Variants in DEPDC1B observed in about 807,000 individuals in gnomAD.
DEPDC1B encodes DEP domain containing 1B, also known as DEP domain-containing protein 1B.
In DEPDC1B, 51 loss-of-function variants were observed where a neutral mutation model predicts 66.5. The observed-to-expected ratio is 0.77, with a 90% confidence interval of 0.61 to 0.97. DEPDC1B has a LOEUF of 0.97. Ranked by LOEUF, DEPDC1B falls within the 50% of genes least tolerant of loss-of-function variation. The pLI is 0.00. For synonymous variants in DEPDC1B, 226 were observed against 223.6 expected (o/e 1.01, Z -0.10); for missense variants, 552 against 637.1 (o/e 0.87, Z 1.44).
intron 2 of DEPDC1B, among the ~76,000 whole-genome samples, chr5:60,675,877 G>GTAGC (rs1485626219): frequency 6.6e-6 from 1 of 151,064 alleles, no homozygotes; most frequent in Non-Finnish European, 1.5e-5. Flanking sequence ...AACACTAACA[G>GTAGC]TAGCTGCCTT....
chr5:60,643,735 C>T (rs1436002855), intron 5 of DEPDC1B, among the ~76,000 whole-genome samples: 1 of 152,196 alleles, frequency 6.6e-6, no homozygotes, highest in African/African-American at 2.4e-5. Context: ...TCCCTTCATT[C>T]TATGGAACTT....
intron 2 of DEPDC1B, among the ~76,000 whole-genome samples, chr5:60,657,773 G>A (rs1273546460): frequency 6.6e-6 from 1 of 152,170 alleles, no homozygotes; most frequent in Non-Finnish European, 1.5e-5. Flanking sequence ...GTGCCTAGGT[G>A]ATTACCTTTT....
chr5:60,645,342 T>G lies in DEPDC1B; in HGVS notation c.578+150A>C, dbSNP rs779569006. 3 of 746,026 alleles carry G rather than the reference T, an allele frequency of 4.0e-6. No individual in the cohort carries two copies. The East Asian group carries it at 9.3e-5, about 23-fold the overall frequency. The allele number at this position is 746,026 out of a possible 1,614,324, so 46.2% of individuals were successfully genotyped here. A position where few individuals can be genotyped will look rare whatever the true frequency, so the allele number is the denominator to read the frequency against. On this transcript the variant is annotated intron_variant, in intron 4 of 10. Coordinates refer to ENST00000265036, the MANE Select transcript of DEPDC1B (RefSeq NM_018369.3). ...GCAGGAGATAATCCCCAGAATTCAG[T>G]TAAACTATGTTTGCTGATCACAACT... is the stretch of plus-strand genomic sequence containing the variant.
intron 2 of DEPDC1B, among the ~76,000 whole-genome samples, chr5:60,684,935 A>G (rs570357631): frequency 6.6e-6 from 1 of 152,344 alleles, no homozygotes; most frequent in East Asian, 1.9e-4. Context: ...TATTTCTCAA[A>G]AGAAGACATA....
At chr5:60,688,740 C>T (rs946177081) in intron 1 of DEPDC1B, among the ~76,000 whole-genome samples, 16 of 152,194 alleles carry the variant, frequency 1.1e-4, no homozygotes, top group African/African-American at 3.6e-4. Context: ...ACACTTTTCT[C>T]TAGGAATTTG....
At chr5:60,610,543 A>G (rs1326566411) in intron 7 of DEPDC1B, among the ~76,000 whole-genome samples, 1 of 152,228 alleles carries the variant, frequency 6.6e-6, no homozygotes, top group African/African-American at 2.4e-5. Context: ...GTAAAATTCC[A>G]CAATGTCCCA....
chr5:60,634,343 T>C (rs1325035205), intron 7 of DEPDC1B, among the ~76,000 whole-genome samples: 1 of 152,180 alleles, frequency 6.6e-6, no homozygotes, highest in Non-Finnish European at 1.5e-5. Context: ...CAATCGTGAA[T>C]CTTGGAAATA....
intron 7 of DEPDC1B, chr5:60,630,857 T>G (rs1381842481): frequency 6.3e-6 from 1 of 159,086 alleles, no homozygotes; most frequent in Non-Finnish European, 1.5e-5. Context: ...CTCCTGTTAT[T>G]GAAAGGGTGT....
At chr5:60,641,516 C>A (rs549896852) in intron 6 of DEPDC1B, among the ~76,000 whole-genome samples, 1 of 151,882 alleles carries the variant, frequency 6.6e-6, no homozygotes, top group African/African-American at 2.4e-5. Flanking sequence ...TTAGTAGAGA[C>A]GGAGTTTCAC....
intron 7 of DEPDC1B, among the ~76,000 whole-genome samples, chr5:60,628,924 G>T (rs1752861215): frequency 1.3e-5 from 2 of 152,286 alleles, no homozygotes; most frequent in South Asian, 4.1e-4. Context: ...GTGGGAGAAA[G>T]GTCTTAAACT....
intron 2 of DEPDC1B, among the ~76,000 whole-genome samples, chr5:60,676,706 G>C (rs748253026): frequency 6.6e-6 from 1 of 151,678 alleles, no homozygotes; most frequent in Non-Finnish European, 1.5e-5. Context: ...CTGTTTAGCC[G>C]ACCCAGGCTG....
intron 2 of DEPDC1B, among the ~76,000 whole-genome samples, chr5:60,685,977 C>A (rs1255654198): frequency 6.6e-6 from 1 of 152,178 alleles, no homozygotes; most frequent in African/African-American, 2.4e-5. Flanking sequence ...GATGAAACTC[C>A]ATGAGGAAGT....
Position 60,616,806 on chromosome 5 carries a change from A to C in DEPDC1B, c.899-10950T>G, listed in dbSNP as rs796418132. Among the ~76,000 whole-genome samples, 12 of 152,266 alleles carry C rather than the reference A, an allele frequency of 7.9e-5. 1 individual carries two copies. Among genetic ancestry groups the C allele is most frequent in the African/African-American group, 2.9e-4 (12 of 41,554 alleles). ...AGAGAACGCCACAAAGATACTCCTC[A>C]AGAAGAGCAACTCCAAGACACATAA... On this transcript the variant is annotated intron_variant, in intron 7 of 10. Transcript: ENST00000265036.
At chr5:60,618,747 C>T (rs971286670) in intron 7 of DEPDC1B, among the ~76,000 whole-genome samples, 1 of 152,194 alleles carries the variant, frequency 6.6e-6, no homozygotes, top group Non-Finnish European at 1.5e-5. Flanking sequence ...GAAACTATTC[C>T]AATCAATAGA....
intron 2 of DEPDC1B, among the ~76,000 whole-genome samples, chr5:60,668,074 A>T (rs1416845518): frequency 9.7e-6 from 1 of 102,808 alleles, no homozygotes; most frequent in Non-Finnish European, 1.8e-5. Flanking sequence ...TATATATATA[A>T]AATGGATATT....
intron 2 of DEPDC1B, among the ~76,000 whole-genome samples, chr5:60,680,411 A>G (rs964338438): frequency 6.6e-6 from 1 of 152,160 alleles, no homozygotes; most frequent in African/African-American, 2.4e-5. Context: ...GAACATCTTG[A>G]GTCTTTAAAA....
intron 2 of DEPDC1B, among the ~76,000 whole-genome samples, chr5:60,680,799 AAAT>A (rs1344802799): frequency 6.6e-6 from 1 of 152,220 alleles, no homozygotes; most frequent in East Asian, 1.9e-4. Context: ...TGATTACACC[AAAT>A]GTTTCTTGCT....
In DEPDC1B at chr5:60,603,427, A is replaced by G; in HGVS notation, c.1206T>C (p.Ser402=). Reference sequence around the variant, plus strand: ...GTAGATGAGCCACACGCTCCTCTATAGAGGTCTGCAAGGCCAAAGGGACTT... The same window carrying G: ...GTAGATGAGCCACACGCTCCTCTATGGAGGTCTGCAAGGCCAAAGGGACTT... The part of the protein sequence containing the change: ...ILKVPLALQT[S]IEERVAHLRR... The change falls in exon 9 of 11, where the codon TCT becomes TCC. Residue 402 remains serine (S), a synonymous_variant. Transcript: ENST00000265036. 1.9e-6 allele frequency: 3 copies of G among 1,610,660 alleles called. No individual in the cohort carries two copies. The highest frequency in any genetic ancestry group is 2.5e-6 in the Non-Finnish European group (3 of 1,178,684).
intron 1 of DEPDC1B, among the ~76,000 whole-genome samples, chr5:60,692,569 T>A (rs1754571343): frequency 6.6e-6 from 1 of 152,166 alleles, no homozygotes; most frequent in Non-Finnish European, 1.5e-5. Context: ...CATACACTGC[T>A]GTAAGGAATG....
Sources: gnomAD v4.1 joint callset for allele counts (sites outside exome capture counted in the v4.1 genomes callset) on GRCh38, gnomAD v4.1.1 for gene constraint, MANE v1.5 for transcripts, NCBI Gene and HGNC (gene_info 2026-07-23, HGNC 2026-07-21) for gene names.